Variants in FSTL4 observed in about 807,000 individuals in gnomAD.
The protein encoded by FSTL4 is follistatin-related protein 4.
In FSTL4, 28 loss-of-function variants were observed where a neutral mutation model predicts 78.2. That is an observed-to-expected ratio of 0.36 (90% CI 0.27 to 0.49). FSTL4 has a LOEUF of 0.49. Ranked by LOEUF, FSTL4 falls within the 20% of genes least tolerant of loss-of-function variation. The pLI is 0.98. For missense variants in FSTL4, 922 were observed against 1,084.9 expected, an observed-to-expected ratio of 0.85 and a Z score of 2.11; for synonymous variants, 422 against 440.5, an observed-to-expected ratio of 0.96 and a Z score of 0.53.
intron 4 of FSTL4, among the ~76,000 whole-genome samples, chr5:133,353,295 C>T (rs1235191886): frequency 6.6e-6 from 1 of 152,242 alleles, no homozygotes; most frequent in Non-Finnish European, 1.5e-5. Flanking sequence ...AGGAAATGCA[C>T]TGTGAAAAGT....
At chr5:133,711,282 T>C in the FSTL4 span, among the ~76,000 whole-genome samples, 1 of 152,156 alleles carries the variant, frequency 6.6e-6, no homozygotes, top group Non-Finnish European at 1.5e-5. Context: ...CAGTTTCTAA[T>C]ACACTGTGTG....
intron 3 of FSTL4, among the ~76,000 whole-genome samples, chr5:133,550,488 G>A (rs1431521408): frequency 6.6e-6 from 1 of 152,078 alleles, no homozygotes; most frequent in African/African-American, 2.4e-5. Flanking sequence ...GGCAACCCCA[G>A]CCCCAACTGT....
rs571237899 is a variant in FSTL4 at position 133,549,819 on chromosome 5, G to A, written c.160+17367C>T. Among the ~76,000 whole-genome samples, 5 of 152,298 alleles carry A rather than the reference G, an allele frequency of 3.3e-5. No homozygotes were observed. The East Asian group carries it at 9.6e-4, about 29-fold the overall frequency. ...TTAGCTTGTGGTTCCTGTTCTCAGA[G>A]GAAACATTTTGGCTCCCACTCAGCA... On this transcript the variant is annotated intron_variant, in intron 3 of 15. Coordinates refer to ENST00000265342, the MANE Select transcript of FSTL4 (RefSeq NM_015082.2).
At chr5:133,448,740 G>T (rs942942243) in intron 3 of FSTL4, among the ~76,000 whole-genome samples, 1,527 of 24,650 alleles carry the variant, frequency 0.062, 21 homozygotes, top group Non-Finnish European at 0.12. Context: ...GTGCGGGGGC[G>T]GGGGGGGGGG....
chr5:133,447,234 C>A (rs1757288224), intron 3 of FSTL4, among the ~76,000 whole-genome samples: 1 of 152,246 alleles, frequency 6.6e-6, no homozygotes, highest in African/African-American at 2.4e-5. Context: ...AGTGTGGGCA[C>A]CACCTGTCCA....
At chr5:133,558,329 G>A (rs549134344) in intron 3 of FSTL4, among the ~76,000 whole-genome samples, 49 of 152,370 alleles carry the variant, frequency 3.2e-4, no homozygotes, top group Admixed American at 3.9e-4. Flanking sequence ...CTGATGAGGT[G>A]AGAGAGCCAT....
At chr5:133,712,969 C>T in the FSTL4 span, among the ~76,000 whole-genome samples, 1 of 152,112 alleles carries the variant, frequency 6.6e-6, no homozygotes, top group East Asian at 1.9e-4. Context: ...GTGCTGAGCC[C>T]CACTAGAAGG....
the FSTL4 span, among the ~76,000 whole-genome samples, chr5:133,649,836 C>T: frequency 5.3e-5 from 8 of 151,910 alleles, no homozygotes; most frequent in South Asian, 1.7e-3. Context: ...AGTGCTGTTT[C>T]CAGAGCAAAA....
rs78093708 is a variant in FSTL4 at position 133,324,343 on chromosome 5, G to A, written c.410-7691C>T. 2.8e-4 allele frequency among the ~76,000 whole-genome samples: 43 copies of A among 152,372 alleles called. 1 individual carries two copies. The East Asian group carries it at 8.3e-3, about 29-fold the overall frequency. ...AGATTCTGAGAGGGAGACAGGCCAT[G>A]TGGTCAAGGCCCAAGCCTTGGATCC... On this transcript the variant is annotated intron_variant, in intron 4 of 15. Transcript: ENST00000265342.
intron 3 of FSTL4, among the ~76,000 whole-genome samples, chr5:133,484,472 A>G (rs1012537571): frequency 3.9e-5 from 6 of 152,224 alleles, no homozygotes; most frequent in Non-Finnish European, 5.9e-5. Context: ...CCCACATGAG[A>G]GAAAAGCTTT....
At chr5:133,623,318 T>C in the FSTL4 span, among the ~76,000 whole-genome samples, 1 of 152,152 alleles carries the variant, frequency 6.6e-6, no homozygotes, top group Admixed American at 6.5e-5. Context: ...TATAGACCAA[T>C]GGAATAGAAT....
chr5:133,791,623 C>A, the FSTL4 span, among the ~76,000 whole-genome samples: 1 of 152,234 alleles, frequency 6.6e-6, no homozygotes, highest in African/African-American at 2.4e-5. Flanking sequence ...TTTCCAGCCA[C>A]TTTCCCTGGA....
intron 4 of FSTL4, among the ~76,000 whole-genome samples, chr5:133,383,655 G>A (rs1364579696): frequency 6.6e-6 from 1 of 152,210 alleles, no homozygotes; most frequent in African/African-American, 2.4e-5. Flanking sequence ...TTAATTGGCT[G>A]CTGCCTTATT....
intron 3 of FSTL4, among the ~76,000 whole-genome samples, chr5:133,409,920 G>A (rs1384653754): frequency 6.6e-6 from 1 of 152,192 alleles, no homozygotes; most frequent in Non-Finnish European, 1.5e-5. Context: ...CAGTTTCCTC[G>A]TGGGTACGTG....
At chr5:133,695,555 A>T in the FSTL4 span, among the ~76,000 whole-genome samples, 232 of 152,272 alleles carry the variant, frequency 1.5e-3, 2 homozygotes, top group Non-Finnish European at 2.9e-3. Context: ...ATAGCTGGAG[A>T]CCTTACACCA....
intron 3 of FSTL4, among the ~76,000 whole-genome samples, chr5:133,565,252 A>C (rs1387095335): frequency 6.6e-6 from 1 of 152,162 alleles, no homozygotes; most frequent in Non-Finnish European, 1.5e-5. Context: ...AAAATAGTTT[A>C]CTGAAGCACC....
chr5:133,599,883 G>A (rs1415947106), intron 2 of FSTL4, among the ~76,000 whole-genome samples: 2 of 152,182 alleles, frequency 1.3e-5, no homozygotes, highest in East Asian at 3.9e-4. Context: ...GGCCCCAAAA[G>A]TGGGGGGCTC....
At chr5:133,638,536 G>C in the FSTL4 span, among the ~76,000 whole-genome samples, 3 of 151,868 alleles carry the variant, frequency 2.0e-5, no homozygotes, top group Non-Finnish European at 2.9e-5. Context: ...GCCTAAGGAC[G>C]TCCCTTCCCA....
chr5:133,781,711 T>C, the FSTL4 span, among the ~76,000 whole-genome samples: 1 of 152,128 alleles, frequency 6.6e-6, no homozygotes, highest in Non-Finnish European at 1.5e-5. Flanking sequence ...CAGACACATG[T>C]GCACCCCCGC....
Sources: allele counts gnomAD v4.1 joint callset (sites outside exome capture counted in the v4.1 genomes callset), GRCh38; gene constraint gnomAD v4.1.1; transcripts MANE v1.5; gene names NCBI Gene and HGNC (gene_info 2026-07-23, HGNC 2026-07-21).